The following NEMP2 variants were observed in gnomAD, a reference collection of about 807,000 sequenced individuals.
NEMP2 encodes UPF0571 transmembrane protein.
Under a neutral mutation model 54.2 loss-of-function variants are expected in NEMP2, and 53 were observed. The ratio of observed to expected loss-of-function variants is 0.98; its 90% CI spans 0.78 to 1.23. The LOEUF is 1.23. Among genes scored for constraint, NEMP2 ranks in the 50% most tolerant of loss-of-function variants. The probability of loss-of-function intolerance (pLI) is 0.00; values close to 1 mark genes in which losing one functional copy is unlikely to be tolerated. For synonymous variants in NEMP2, 197 were observed against 190.3 expected (o/e 1.04, Z -0.29); for missense variants, 455 against 511.3 (o/e 0.89, Z 1.06).
At chr2:190,591,578 G>T in the NEMP2 span, among the ~76,000 whole-genome samples, 1 of 152,130 alleles carries the variant, frequency 6.6e-6, no homozygotes, top group Non-Finnish European at 1.5e-5. This position sits in a 1 kb window ranked among gnomAD's most constrained non-coding sequence, Gnocchi z 5.4. Flanking sequence ...AAAGGTTTCT[G>T]TGGTCACTAT....
the NEMP2 span, among the ~76,000 whole-genome samples, chr2:190,455,253 TTATTAC>T: frequency 0.013 from 1,893 of 150,746 alleles, 35 homozygotes; most frequent in African/African-American, 0.043. Context: ...ATGACTTTCA[TTATTAC>T]TATTAAGTTA....
At chr2:190,571,700 T>C in the NEMP2 span, among the ~76,000 whole-genome samples, 3 of 152,158 alleles carry the variant, frequency 2.0e-5, no homozygotes, top group Non-Finnish European at 4.4e-5. Flanking sequence ...ACCACAGGGT[T>C]TTACTTGAGC....
At chr2:190,427,812 A>G in the NEMP2 span, among the ~76,000 whole-genome samples, 1 of 151,904 alleles carries the variant, frequency 6.6e-6, no homozygotes, top group African/African-American at 2.4e-5. Context: ...GCTCACTGCA[A>G]TCCCCACCTC....
downstream of NEMP2, chr2:190,499,827 G>A: frequency 6.5e-7 from 1 of 1,540,524 alleles, no homozygotes. The surrounding 1 kb of genome is among the most constrained non-coding windows in gnomAD (Gnocchi z 6.0). Flanking sequence ...ATGCGGCTCT[G>A]GCAGTTGCAC....
chr2:190,518,828 C>G lies in NEMP2; in HGVS notation c.446-20G>C, dbSNP rs751926228. ...CCATGACTGGAGTAAAAAAGACACA[C>G]AAACACATAACAAAGATTTTTTATC... On this transcript the variant is annotated intron_variant, in intron 3 of 8. Coordinates refer to ENST00000409150, the MANE Select transcript of NEMP2 (RefSeq NM_001142645.2). The G allele has an allele frequency of 6.5e-7, 1 of 1,533,546 alleles. No individual in the cohort carries two copies. Among genetic ancestry groups the G allele is most frequent in the African/African-American group, 1.4e-5 (1 of 71,464 alleles). The allele number at this position is 1,533,546 out of a possible 1,614,324, so 95.0% of individuals were successfully genotyped here.
At chr2:190,432,716 C>T in the NEMP2 span, among the ~76,000 whole-genome samples, 3 of 152,102 alleles carry the variant, frequency 2.0e-5, no homozygotes, top group East Asian at 3.9e-4. Context: ...CGCACCTGGC[C>T]AAAATCTCTG....
At position 190,529,638 on chromosome 2, in the gene NEMP2, G is replaced by A. The variant is rs1405837490; in HGVS notation, c.98-4260C>T. On this transcript the variant is annotated intron_variant, in intron 1 of 8. Coordinates refer to ENST00000409150, the MANE Select transcript of NEMP2 (RefSeq NM_001142645.2). The surrounding 1 kb of genome is among the most constrained non-coding windows in gnomAD (Gnocchi z 4.7). Reference sequence around the variant, plus strand: ...TCAGGGACATTGCATGTTTATCACTGTAACCCCCAGAACTTAAATATTTAT... The same window carrying A: ...TCAGGGACATTGCATGTTTATCACTATAACCCCCAGAACTTAAATATTTAT... Among the ~76,000 whole-genome samples, 1 of 152,106 alleles carries A rather than the reference G, an allele frequency of 6.6e-6. No homozygotes were observed. The highest frequency in any genetic ancestry group is 1.9e-4 in the East Asian group (1 of 5,204).
At position 190,510,340 on chromosome 2, in the gene NEMP2, G is replaced by A. The variant is rs1438041847; in HGVS notation, c.1130+21C>T. The stretch of plus-strand genomic sequence containing the variant: ...ATCATTCTGAACTAAACTATGGTCC[G>A]AGCAGCAGAGCGGGACTTACTTGCT... On this transcript the variant is annotated intron_variant, in intron 8 of 8. Coordinates refer to ENST00000409150, the MANE Select transcript of NEMP2 (RefSeq NM_001142645.2). The surrounding 1 kb of genome is among the most constrained non-coding windows in gnomAD (Gnocchi z 5.7). 7 of 1,550,828 alleles carry A rather than the reference G, an allele frequency of 4.5e-6. No individual in the cohort carries two copies. The highest frequency in any genetic ancestry group is 1.7e-4 in the Middle Eastern group (1 of 6,010).
At chr2:190,425,929 T>C in the NEMP2 span, among the ~76,000 whole-genome samples, 2 of 152,240 alleles carry the variant, frequency 1.3e-5, no homozygotes, top group Non-Finnish European at 2.9e-5. The surrounding 1 kb of genome is among the most constrained non-coding windows in gnomAD (Gnocchi z 4.3). Context: ...TCTGCTATCA[T>C]TTCAATTGTT....
the NEMP2 span, among the ~76,000 whole-genome samples, chr2:190,574,708 T>G: frequency 6.6e-6 from 1 of 151,988 alleles, no homozygotes; most frequent in Non-Finnish European, 1.5e-5. Flanking sequence ...TCTTTCTTTT[T>G]TCTTTCTCTT....
rs965767547 is a variant in NEMP2, at chr2:190,528,390, C to CG, written c.98-3013dup. Among the ~76,000 whole-genome samples, 14 of 152,174 alleles carry CG rather than the reference C, an allele frequency of 9.2e-5. No individual in the cohort carries two copies. Among genetic ancestry groups the CG allele is most frequent in the Admixed American group, 3.3e-4 (5 of 15,286 alleles). On this transcript the variant is annotated intron_variant, in intron 1 of 8. Coordinates refer to ENST00000409150, the MANE Select transcript of NEMP2 (RefSeq NM_001142645.2). This position sits in a 1 kb window ranked among gnomAD's most constrained non-coding sequence, Gnocchi z 4.3. The stretch of plus-strand genomic sequence containing the variant: ...ATGTTCTGCCTTTGCACAGCCTCCT[C>CG]GGGGGGGTCTCTAAGCATGGCTAGA...
At chr2:190,567,342 A>T in the NEMP2 span, among the ~76,000 whole-genome samples, 1 of 152,038 alleles carries the variant, frequency 6.6e-6, no homozygotes, top group Non-Finnish European at 1.5e-5. The surrounding 1 kb of genome is among the most constrained non-coding windows in gnomAD (Gnocchi z 4.0). Flanking sequence ...CAAGGAGCTC[A>T]AGAAAGAGAA....
chr2:190,626,918 A>T, the NEMP2 span: 1 of 152,234 alleles, frequency 6.6e-6, no homozygotes, highest in Non-Finnish European at 1.5e-5. The surrounding 1 kb of genome is among the most constrained non-coding windows in gnomAD (Gnocchi z 4.5). Flanking sequence ...TGGATTACAT[A>T]TTGAAAATTG....
chr2:190,487,153 C>G, the NEMP2 span, among the ~76,000 whole-genome samples: 1 of 151,640 alleles, frequency 6.6e-6, no homozygotes, highest in Non-Finnish European at 1.5e-5. The surrounding 1 kb of genome is among the most constrained non-coding windows in gnomAD (Gnocchi z 5.5). Flanking sequence ...CCATCCTGGC[C>G]AACGTGGTGA....
chr2:190,603,880 C>A, the NEMP2 span, among the ~76,000 whole-genome samples: 4 of 151,846 alleles, frequency 2.6e-5, no homozygotes, highest in African/African-American at 4.8e-5. Flanking sequence ...CTCTTTACAC[C>A]CCCCACCTTT....
chr2:190,462,989 G>C, the NEMP2 span, among the ~76,000 whole-genome samples: 1,176 of 152,286 alleles, frequency 7.7e-3, 12 homozygotes, highest in African/African-American at 0.026. This position sits in a 1 kb window ranked among gnomAD's most constrained non-coding sequence, Gnocchi z 5.7. Flanking sequence ...AATGCCAGCT[G>C]TGGTTCTTTC....
the NEMP2 span, among the ~76,000 whole-genome samples, chr2:190,499,110 T>C: frequency 6.6e-6 from 1 of 152,204 alleles, no homozygotes; most frequent in African/African-American, 2.4e-5. This position sits in a 1 kb window ranked among gnomAD's most constrained non-coding sequence, Gnocchi z 6.0. Context: ...GTCACGCCAC[T>C]GCACTCCGGC....
chr2:190,491,267 C>T, the NEMP2 span, among the ~76,000 whole-genome samples: 3 of 152,226 alleles, frequency 2.0e-5, no homozygotes, highest in East Asian at 5.8e-4. The surrounding 1 kb of genome is among the most constrained non-coding windows in gnomAD (Gnocchi z 4.2). Flanking sequence ...AGATAGGAGG[C>T]AGGATTAGGT....
At chr2:190,592,201 G>T in the NEMP2 span, among the ~76,000 whole-genome samples, 1 of 152,142 alleles carries the variant, frequency 6.6e-6, no homozygotes, top group Non-Finnish European at 1.5e-5. The surrounding 1 kb of genome is among the most constrained non-coding windows in gnomAD (Gnocchi z 4.4). Flanking sequence ...CAATGACCTG[G>T]TTATGTAACT....
Sources: gnomAD v4.1 joint callset for allele counts (sites outside exome capture counted in the v4.1 genomes callset) on GRCh38, gnomAD v4.1.1 for gene constraint, Gnocchi (gnomAD v3.1) non-coding constraint, MANE v1.5 for transcripts, NCBI Gene and HGNC (gene_info 2026-07-23, HGNC 2026-07-21) for gene names.